Variants in LHFPL2 observed in about 807,000 individuals in gnomAD.
LHFPL2 encodes the protein LHFPL tetraspan subfamily member 2 protein.
In LHFPL2, 7 loss-of-function variants were observed where a neutral mutation model predicts 17.5. That is an observed-to-expected ratio of 0.40 (90% confidence interval 0.23 to 0.75). The LOEUF is 0.75. LHFPL2 is among the 30% of genes least tolerant of loss of function. The pLI is 0.37. For synonymous variants in LHFPL2, 134 were observed against 116.2 expected, an observed-to-expected ratio of 1.15 and a Z score of -0.99; for missense variants, 241 against 294.8, an observed-to-expected ratio of 0.82 and a Z score of 1.34.
At chr5:78,580,695 A>T (rs551592635) in intron 2 of LHFPL2, among the ~76,000 whole-genome samples, 2 of 152,242 alleles carry the variant, frequency 1.3e-5, no homozygotes, top group South Asian at 4.2e-4. Flanking sequence ...GTTCTGTTCC[A>T]TCGGTCTATT....
intron 2 of LHFPL2, among the ~76,000 whole-genome samples, chr5:78,603,821 G>C (rs1744114431): frequency 6.6e-6 from 1 of 152,176 alleles, no homozygotes; most frequent in African/African-American, 2.4e-5. Context: ...CCTAATTTGG[G>C]GTTAGCTAAG....
chr5:78,583,649 T>C (rs957889691), intron 2 of LHFPL2, among the ~76,000 whole-genome samples: 16 of 152,334 alleles, frequency 1.1e-4, no homozygotes, highest in African/African-American at 3.8e-4. Context: ...TGCCAAGAGA[T>C]CTGCTGTTAG....
Position 78,566,526 on chromosome 5 carries a change from C to T in LHFPL2, c.-244-1655G>A, listed in dbSNP as rs189127665. On this transcript the variant is annotated intron_variant, in intron 2 of 4. Coordinates refer to ENST00000380345, the MANE Select transcript of LHFPL2 (RefSeq NM_005779.3). ...TCACCCAGGCTGAAGTACAATGGCA[C>T]GATCTTGGCTCACTGCAACCTCCAC... Among the ~76,000 whole-genome samples the T allele has an allele frequency of 3.0e-3, 452 of 151,986 alleles. 3 individuals are homozygous for T. Among genetic ancestry groups the T allele is most frequent in the African/African-American group, 0.01 (431 of 41,458 alleles).
chr5:78,597,348 A>C (rs1041950273), intron 2 of LHFPL2, among the ~76,000 whole-genome samples: 6 of 152,178 alleles, frequency 3.9e-5, no homozygotes, highest in African/African-American at 1.4e-4. Flanking sequence ...TCCCAACCCC[A>C]GAGTTTTTTC....
intron 4 of LHFPL2, among the ~76,000 whole-genome samples, chr5:78,503,865 G>GT (rs1329909587): frequency 1.3e-5 from 2 of 152,040 alleles, no homozygotes; most frequent in South Asian, 2.1e-4. Flanking sequence ...CTATGGTACA[G>GT]TTTGTGAAAT....
chr5:78,492,159 C>G (rs926401068), intron 4 of LHFPL2, among the ~76,000 whole-genome samples: 6 of 152,196 alleles, frequency 3.9e-5, no homozygotes, highest in Non-Finnish European at 7.3e-5. Flanking sequence ...CAATCTCCCC[C>G]AGCCCGGCAC....
intron 4 of LHFPL2, among the ~76,000 whole-genome samples, chr5:78,503,927 C>T (rs766013610): frequency 2.6e-4 from 40 of 152,316 alleles, no homozygotes; most frequent in Non-Finnish European, 4.6e-4. Context: ...TGTAGACCTG[C>T]GTCTACAGGT....
At chr5:78,612,816 C>T (rs1744465102) in intron 2 of LHFPL2, among the ~76,000 whole-genome samples, 1 of 152,218 alleles carries the variant, frequency 6.6e-6, no homozygotes, top group Non-Finnish European at 1.5e-5. Context: ...ATTTAAAGTG[C>T]CCTTAAGGCT....
intron 2 of LHFPL2, among the ~76,000 whole-genome samples, chr5:78,618,999 A>T (rs1223549680): frequency 6.6e-6 from 1 of 152,172 alleles, no homozygotes; most frequent in East Asian, 1.9e-4. Context: ...TGAACTGACA[A>T]GGCCAAGATT....
At chr5:78,541,803 T>C (rs1756121522) in intron 3 of LHFPL2, among the ~76,000 whole-genome samples, 1 of 152,066 alleles carries the variant, frequency 6.6e-6, no homozygotes, top group Non-Finnish European at 1.5e-5. Flanking sequence ...AGGAAAATGG[T>C]CATAAGTAAA....
At chr5:78,511,321 G>C (rs1324013827) in intron 3 of LHFPL2, among the ~76,000 whole-genome samples, 1 of 152,174 alleles carries the variant, frequency 6.6e-6, no homozygotes, top group Non-Finnish European at 1.5e-5. Flanking sequence ...CATGCCCATT[G>C]TTTCTCATTT....
At chr5:78,618,681 C>A (rs374715005) in intron 2 of LHFPL2, among the ~76,000 whole-genome samples, 1 of 152,318 alleles carries the variant, frequency 6.6e-6, no homozygotes, top group East Asian at 1.9e-4. Context: ...CACGTACTTT[C>A]GTCATCTCTA....
At chr5:78,498,331 TACA>T (rs1443292256) in intron 4 of LHFPL2, among the ~76,000 whole-genome samples, 24 of 152,182 alleles carry the variant, frequency 1.6e-4, no homozygotes, top group Non-Finnish European at 2.9e-4. Flanking sequence ...CAGTCAAGTG[TACA>T]ACAACTGGTG....
chr5:78,614,808 T>C (rs1157119707), intron 2 of LHFPL2, among the ~76,000 whole-genome samples: 2 of 152,246 alleles, frequency 1.3e-5, no homozygotes, highest in African/African-American at 4.8e-5. Context: ...GGTTCTGTTA[T>C]AACCCAGTTG....
chr5:78,624,057 A>G (rs1744950894), intron 2 of LHFPL2, among the ~76,000 whole-genome samples: 2 of 152,250 alleles, frequency 1.3e-5, no homozygotes, highest in African/African-American at 4.8e-5. Context: ...AAGCTCTAAT[A>G]GCCTAGACAA....
rs544727759 is a variant in LHFPL2 at position 78,488,779 on chromosome 5, G to A, written c.*118C>T. ...CTCTCATTGGTCCTGTTTAAGCCTC[G>A]GGCCGTGGAACGTGGCTTTGGTAGG... On this transcript the variant is annotated 3_prime_UTR_variant, in exon 5 of 5. Coordinates refer to ENST00000380345, the MANE Select transcript of LHFPL2 (RefSeq NM_005779.3). The A allele has an allele frequency of 2.1e-5, 25 of 1,189,366 alleles. No homozygotes were observed. In the East Asian group the frequency reaches 3.7e-4, roughly 18 times the overall value. The allele number at this position is 1,189,366 out of a possible 1,614,324, so 73.7% of individuals were successfully genotyped here. A position where few individuals can be genotyped will look rare whatever the true frequency, so the allele number is the denominator to read the frequency against.
chr5:78,601,971 T>C (rs1041779342), intron 2 of LHFPL2, among the ~76,000 whole-genome samples: 1 of 152,088 alleles, frequency 6.6e-6, no homozygotes, highest in Non-Finnish European at 1.5e-5. Flanking sequence ...AATAAAAAAA[T>C]TAAAGACTTT....
rs992402613 is a variant in LHFPL2 at position 78,602,341 on chromosome 5, C to T, written c.-245+29923G>A. On this transcript the variant is annotated intron_variant, in intron 2 of 4. Transcript: ENST00000380345. ...ATGAAAGATGCAGTATTTGCAAAAC[C>T]GAAACAACTTAAAATTCTTATCCAC... Among the ~76,000 whole-genome samples, 134 of 152,040 alleles carry T rather than the reference C, an allele frequency of 8.8e-4. 3 individuals are homozygous for T. The highest frequency in any genetic ancestry group is 2.4e-4 in the African/African-American group (10 of 41,390).
intron 4 of LHFPL2, among the ~76,000 whole-genome samples, chr5:78,496,639 A>T (rs10070202): frequency 1.3e-4 from 20 of 152,082 alleles, no homozygotes; most frequent in Non-Finnish European, 2.4e-4. Flanking sequence ...TGTGTTCCAT[A>T]TGACACAGCT....
Sources: gnomAD v4.1 joint callset for allele counts (sites outside exome capture counted in the v4.1 genomes callset) on GRCh38, gnomAD v4.1.1 for gene constraint, MANE v1.5 for transcripts, NCBI Gene and HGNC (gene_info 2026-07-23, HGNC 2026-07-21) for gene names.